The following CADM2 variants were observed in gnomAD, a reference collection of about 807,000 sequenced individuals.
CADM2 encodes the protein cell adhesion molecule 2, also known as immunoglobulin superfamily member 4D.
Under a neutral mutation model 49.8 loss-of-function variants are expected in CADM2, and 12 were observed. That is an observed-to-expected ratio of 0.24 (90% CI 0.15 to 0.39). The LOEUF (loss-of-function observed/expected upper bound fraction) is 0.39. Among genes scored for constraint, CADM2 ranks in the 10% least tolerant of loss-of-function variants. The pLI is 1.00. For missense variants in CADM2, 378 were observed against 492.3 expected (o/e 0.77, Z 2.20); for synonymous variants, 214 against 175.4 (o/e 1.22, Z -1.74).
At chr3:85,492,465 G>A (rs2039714538) in intron 1 of CADM2, among the ~76,000 whole-genome samples, 1 of 152,106 alleles carries the variant, frequency 6.6e-6, no homozygotes, top group South Asian at 2.1e-4. Flanking sequence ...GATAGTGCGT[G>A]CCTGTAGTTC....
intron 1 of CADM2, among the ~76,000 whole-genome samples, chr3:85,260,234 T>C (rs1351932521): frequency 6.6e-6 from 1 of 152,090 alleles, no homozygotes; most frequent in Non-Finnish European, 1.5e-5. Context: ...TTAATTTGTA[T>C]ATAATAATAA....
At chr3:85,717,298 T>C (rs1481840195) in intron 1 of CADM2, among the ~76,000 whole-genome samples, 1 of 152,162 alleles carries the variant, frequency 6.6e-6, no homozygotes, top group African/African-American at 2.4e-5. Flanking sequence ...TCTCTGTTTG[T>C]CTATTATTGC....
chr3:84,984,792 T>C (rs995729197), intron 1 of CADM2, among the ~76,000 whole-genome samples: 2 of 152,158 alleles, frequency 1.3e-5, no homozygotes, highest in Admixed American at 6.5e-5. Context: ...TCCATTCAAT[T>C]TGTAGCATTT....
intron 2 of CADM2, among the ~76,000 whole-genome samples, chr3:85,791,541 AGAAAGAG>A (rs2071329355): frequency 6.9e-6 from 1 of 144,772 alleles, no homozygotes; most frequent in African/African-American, 2.7e-5. Context: ...AGAGAGAGAG[AGAAAGAG>A]AGAGAGAGAG....
intron 1 of CADM2, among the ~76,000 whole-genome samples, chr3:84,995,446 GC>G (rs1186042786): frequency 2.6e-5 from 4 of 152,132 alleles, no homozygotes; most frequent in African/African-American, 9.7e-5. Context: ...ATGAAGATTT[GC>G]ATAACTCATT....
At chr3:85,454,988 C>T (rs1052026055) in intron 1 of CADM2, among the ~76,000 whole-genome samples, 18 of 152,114 alleles carry the variant, frequency 1.2e-4, no homozygotes, top group African/African-American at 4.3e-4. Context: ...AGATAGAAAT[C>T]TTATGTGTGA....
chr3:85,199,539 A>G (rs927768734), intron 1 of CADM2, among the ~76,000 whole-genome samples: 3 of 151,862 alleles, frequency 2.0e-5, no homozygotes, highest in Non-Finnish European at 2.9e-5. Flanking sequence ...CTTTTCATTC[A>G]CATGTTCACC....
intron 1 of CADM2, among the ~76,000 whole-genome samples, chr3:85,015,843 G>A (rs2107272991): frequency 6.6e-6 from 1 of 152,274 alleles, no homozygotes; most frequent in South Asian, 2.1e-4. Context: ...TGTTTCAGGT[G>A]GAGGGCATGA....
intron 1 of CADM2, among the ~76,000 whole-genome samples, chr3:85,100,654 CTT>C (rs2037977042): frequency 6.6e-6 from 1 of 152,092 alleles, no homozygotes; most frequent in Non-Finnish European, 1.5e-5. Flanking sequence ...TAGCTTGTAA[CTT>C]TATATTCTAA....
In CADM2 at chr3:85,897,331, G is replaced by A. The variant is rs866940096; in HGVS notation, c.529+11004G>A. On this transcript the variant is annotated intron_variant, in intron 5 of 9. Transcript: ENST00000383699. Reference sequence around the variant, plus strand: ...AGGCCGGACTGCGGACTGCAGTGGCGCAATCTCGGCTCACTGCAAGCTCCG... The same window carrying A: ...AGGCCGGACTGCGGACTGCAGTGGCACAATCTCGGCTCACTGCAAGCTCCG... 3.1e-3 allele frequency among the ~76,000 whole-genome samples: 400 copies of A among 127,636 alleles called. 2 individuals carry two copies. Among genetic ancestry groups the A allele is most frequent in the African/African-American group, 0.011 (388 of 34,264 alleles). 83.7% of individuals were successfully genotyped at this position (127,636 alleles called of 152,430 possible).
chr3:85,478,019 T>C (rs2039054660), intron 1 of CADM2, among the ~76,000 whole-genome samples: 1 of 151,970 alleles, frequency 6.6e-6, no homozygotes, highest in African/African-American at 2.4e-5. Context: ...ACATGAGTTT[T>C]ATAATAAGCT....
intron 1 of CADM2, among the ~76,000 whole-genome samples, chr3:85,131,522 C>A (rs1182888825): frequency 6.6e-6 from 1 of 151,942 alleles, no homozygotes; most frequent in Non-Finnish European, 1.5e-5. Context: ...ATTGTAATAC[C>A]CCTATAATGG....
At chr3:85,292,765 G>A (rs534568740) in intron 1 of CADM2, among the ~76,000 whole-genome samples, 1 of 152,288 alleles carries the variant, frequency 6.6e-6, no homozygotes, top group East Asian at 1.9e-4. Context: ...CAACATACCA[G>A]AATCTCTGGG....
intron 1 of CADM2, among the ~76,000 whole-genome samples, chr3:85,093,556 T>C (rs564811238): frequency 5.8e-4 from 88 of 152,248 alleles, no homozygotes; most frequent in Non-Finnish European, 9.6e-4. Context: ...TTTATGATGA[T>C]TTCATTATAA....
At chr3:85,599,997 A>C (rs1210452589) in intron 1 of CADM2, among the ~76,000 whole-genome samples, 1 of 152,018 alleles carries the variant, frequency 6.6e-6, no homozygotes, top group Non-Finnish European at 1.5e-5. Flanking sequence ...AAAATGAAAT[A>C]AAGTGTTTTT....
At chr3:85,968,519 C>T (rs1725733073) in intron 8 of CADM2, among the ~76,000 whole-genome samples, 1 of 151,536 alleles carries the variant, frequency 6.6e-6, no homozygotes, top group Non-Finnish European at 1.5e-5. Flanking sequence ...AGATGAATCA[C>T]AGAATGAAAT....
chr3:85,155,072 A>C (rs369931324), intron 1 of CADM2, among the ~76,000 whole-genome samples: 3,409 of 139,766 alleles, frequency 0.024, 131 homozygotes, highest in African/African-American at 0.1. Context: ...ATGACAGGAT[A>C]AAATTCACAC....
At chr3:85,740,230 T>C (rs1001470842) in intron 2 of CADM2, among the ~76,000 whole-genome samples, 1 of 152,226 alleles carries the variant, frequency 6.6e-6, no homozygotes, top group African/African-American at 2.4e-5. Flanking sequence ...GAGTGTACTA[T>C]TGCTACTCAT....
chr3:85,795,873 A>G (rs557245693), intron 2 of CADM2, among the ~76,000 whole-genome samples: 56 of 152,304 alleles, frequency 3.7e-4, no homozygotes, highest in Non-Finnish European at 6.8e-4. Flanking sequence ...TTGTGAATAG[A>G]TAAGAATGAA....
Sources: allele counts gnomAD v4.1 joint callset (sites outside exome capture counted in the v4.1 genomes callset), GRCh38; gene constraint gnomAD v4.1.1; transcripts MANE v1.5; gene names NCBI Gene and HGNC (gene_info 2026-07-23, HGNC 2026-07-21).